The following GRM4 variants were observed in gnomAD, a reference collection of about 807,000 sequenced individuals.
GRM4 encodes metabotropic glutamate receptor 4.
Under a neutral mutation model 81.7 loss-of-function variants are expected in GRM4, and 28 were observed. The observed-to-expected ratio is 0.34, with a 90% CI of 0.25 to 0.47. The LOEUF is 0.47. Among genes scored for constraint, GRM4 ranks in the 20% least tolerant of loss-of-function variants. The pLI, the probability that GRM4 is intolerant of heterozygous loss-of-function variation, is 1.00. For missense variants in GRM4, 948 were observed against 1,290.0 expected (o/e 0.73, Z 4.06); for synonymous variants, 488 against 528.8 (o/e 0.92, Z 1.06).
At chr6:34,141,301 C>A (rs571356787) in intron 1 of GRM4, among the ~76,000 whole-genome samples, 1 of 152,316 alleles carries the variant, frequency 6.6e-6, no homozygotes, top group East Asian at 1.9e-4. Context: ...CGACCAGTGC[C>A]TTCTCGGGAG....
chr6:34,092,072 C>T lies in GRM4; in HGVS notation c.547G>A (p.Ala183Thr). 6.2e-7 allele frequency: 1 copy of T among 1,610,628 alleles called. No homozygotes were observed. Reference sequence around the variant, plus strand: ...CGGCTGTTGTCACTCAGGTCTGGCGCTGTGGAGGCGTAGCTGATCTGGGGT... The same window carrying T: ...CGGCTGTTGTCACTCAGGTCTGGCGTTGTGGAGGCGTAGCTGATCTGGGGT... Reference protein sequence around the residue: ...KIPQISYASTAPDLSDNSRYD... With the variant: ...KIPQISYASTTPDLSDNSRYD... Residue 183 changes from alanine to threonine, a missense_variant, in exon 3 of 11, where the codon GCG becomes ACG. Coordinates refer to ENST00000538487, the MANE Select transcript of GRM4 (RefSeq NM_000841.4). The surrounding 1 kb of genome is among the most constrained non-coding windows in gnomAD (Gnocchi z 6.8).
intron 3 of GRM4, among the ~76,000 whole-genome samples, chr6:34,073,851 C>T (rs547582246): frequency 3.4e-4 from 52 of 152,348 alleles, no homozygotes; most frequent in African/African-American, 1.1e-3. Flanking sequence ...ACACCCCTCA[C>T]ACTGCTTGGG....
In GRM4 at chr6:34,068,925, C is replaced by T. The variant is rs1766630940; in HGVS notation, c.737-6897G>A. On this transcript the variant is annotated intron_variant, in intron 3 of 10. Transcript: ENST00000538487. The surrounding 1 kb of genome is among the most constrained non-coding windows in gnomAD (Gnocchi z 4.2). ...AGGCACATCCTCGCTTTCTCCCTTCCTTTAAAAAGAATTTTTTTTTAATTT... is the reference window on the plus strand; with the variant it reads ...AGGCACATCCTCGCTTTCTCCCTTCTTTTAAAAAGAATTTTTTTTTAATTT... Among the ~76,000 whole-genome samples, 1 of 152,174 alleles carries T rather than the reference C, an allele frequency of 6.6e-6. No homozygotes were observed. Among genetic ancestry groups the T allele is most frequent in the African/African-American group, 2.4e-5 (1 of 41,430 alleles).
chr6:34,038,991 C>G (rs35075443), intron 8 of GRM4, among the ~76,000 whole-genome samples: 54,310 of 152,128 alleles, frequency 0.36, 13,438 homozygotes, highest in African/African-American at 0.7. Flanking sequence ...TAGCTGCTGC[C>G]GCTAGTGAGT....
At chr6:34,107,230 GT>G (rs1028784733) in intron 2 of GRM4, among the ~76,000 whole-genome samples, 39 of 152,312 alleles carry the variant, frequency 2.6e-4, no homozygotes, top group African/African-American at 9.4e-4. Context: ...CTCTGGTGGT[GT>G]CTGCAGGAAG....
At chr6:34,079,159 G>T (rs1442885762) in intron 3 of GRM4, among the ~76,000 whole-genome samples, 1 of 152,214 alleles carries the variant, frequency 6.6e-6, no homozygotes, top group Non-Finnish European at 1.5e-5. Context: ...CACAAGGCAA[G>T]TCCAGCAGGC....
chr6:34,138,681 C>T (rs997753229), intron 1 of GRM4, among the ~76,000 whole-genome samples: 1 of 152,202 alleles, frequency 6.6e-6, no homozygotes. Context: ...CACTGTGCGA[C>T]TCGCAGGCCA....
intron 1 of GRM4, among the ~76,000 whole-genome samples, chr6:34,139,761 CCGGTCCAGAGTGGCACT>C (rs1165198731): frequency 6.6e-6 from 1 of 152,218 alleles, no homozygotes; most frequent in Non-Finnish European, 1.5e-5. Flanking sequence ...AGCAGTGCGC[CCGGTCCAGAGTGGCACT>C]CGGACCTCGC....
chr6:34,059,550 G>A lies in GRM4; in HGVS notation c.873-422C>T, dbSNP rs372691693. The A allele has an allele frequency of 1.4e-5, 3 of 215,702 alleles. No homozygotes were observed. Among genetic ancestry groups the A allele is most frequent in the Non-Finnish European group, 2.8e-5 (3 of 106,908 alleles). The allele number at this position is 215,702 out of a possible 1,614,324, so 13.4% of individuals were successfully genotyped here. On this transcript the variant is annotated intron_variant, in intron 4 of 10. Transcript: ENST00000538487. The surrounding 1 kb of genome is among the most constrained non-coding windows in gnomAD (Gnocchi z 5.7). ...CCACATTCCTTGCCCATTCTCACAC[G>A]CATCCACCATCACACAACCGCCGCC...
intron 7 of GRM4, 52 bp downstream of exon 7, chr6:34,040,496 G>C: frequency 1.3e-6 from 2 of 1,536,462 alleles, no homozygotes; most frequent in South Asian, 1.1e-5. Context: ...CCCTCCCCTC[G>C]GGCATGGCCC....
chr6:34,153,015 C>G (rs1043913225), intron 1 of GRM4, among the ~76,000 whole-genome samples: 2 of 152,100 alleles, frequency 1.3e-5, no homozygotes, highest in African/African-American at 4.8e-5. Flanking sequence ...TGCAATGATT[C>G]CACTCCACAA....
rs1770334574 is a variant in GRM4, at chr6:34,133,526, C to T, written c.-30G>A. The stretch of plus-strand genomic sequence containing the variant: ...GAAATCCCTAGAGACCCATGAACGG[C>T]AGGCCCACTCCTAGCCCTGGCAGGC... On this transcript the variant is annotated 5_prime_UTR_variant, in exon 2 of 11. Transcript: ENST00000538487. This position sits in a 1 kb window ranked among gnomAD's most constrained non-coding sequence, Gnocchi z 6.5. 6.6e-7 allele frequency: 1 copy of T among 1,521,960 alleles called. No individual in the cohort carries two copies. The highest frequency in any genetic ancestry group is 2.3e-5 in the East Asian group (1 of 44,084). 94.3% of individuals were successfully genotyped at this position (1,521,960 alleles called of 1,614,324 possible).
At chr6:34,032,741 C>T (rs1764500320) in intron 9 of GRM4, among the ~76,000 whole-genome samples, 1 of 152,112 alleles carries the variant, frequency 6.6e-6, no homozygotes, top group Non-Finnish European at 1.5e-5. Context: ...TGGTAGGTCA[C>T]CTGCAGAGAT....
At chr6:34,093,263 C>G (rs1183002264) in intron 2 of GRM4, among the ~76,000 whole-genome samples, 1 of 152,200 alleles carries the variant, frequency 6.6e-6, no homozygotes, top group South Asian at 2.1e-4. Flanking sequence ...GCCCACTTGG[C>G]CAAAGCCTAG....
chr6:34,108,479 C>G (rs894629670), intron 2 of GRM4, among the ~76,000 whole-genome samples: 1 of 152,368 alleles, frequency 6.6e-6, no homozygotes. Context: ...TGAACCCTCA[C>G]AGCCGGGCCC....
At chr6:34,086,268 G>A (rs574683321) in intron 3 of GRM4, among the ~76,000 whole-genome samples, 2 of 152,318 alleles carry the variant, frequency 1.3e-5, no homozygotes, top group South Asian at 2.1e-4. Flanking sequence ...CCCAAGCACT[G>A]TCTCCTCAGC....
chr6:34,041,580 A>G (rs1046329531), intron 6 of GRM4, among the ~76,000 whole-genome samples: 11 of 152,162 alleles, frequency 7.2e-5, no homozygotes, highest in Admixed American at 2.6e-4. Flanking sequence ...CCACGTCAGC[A>G]AAAAGGGGAT....
rs912110357 is a variant in GRM4 at position 34,080,867 on chromosome 6, C to T, written c.736+11016G>A. Among the ~76,000 whole-genome samples the T allele has an allele frequency of 1.7e-3, 209 of 122,680 alleles. No individual in the cohort carries two copies. The highest frequency in any genetic ancestry group is 5.8e-3 in the African/African-American group (206 of 35,450). The allele number at this position is 122,680 out of a possible 152,430, so 80.5% of individuals were successfully genotyped here. ...ACACATACACACACACATACACATA[C>T]ATATACACACACACACACACACAAC... On this transcript the variant is annotated intron_variant, in intron 3 of 10. Coordinates refer to ENST00000538487, the MANE Select transcript of GRM4 (RefSeq NM_000841.4). The surrounding 1 kb of genome is among the most constrained non-coding windows in gnomAD (Gnocchi z 5.4).
chr6:34,133,215 G>A lies in GRM4; in HGVS notation c.282C>T (p.Asp94=). 1 of 1,614,188 alleles carries A rather than the reference G, an allele frequency of 6.2e-7. No individual in the cohort carries two copies. Among genetic ancestry groups the A allele is most frequent in the Non-Finnish European group, 8.5e-7 (1 of 1,179,986 alleles). ...CGCCCAGCGTGATGTTAGGCAGCAG[G>A]TCCGGGTCGTTGTTGATGCGATCCA... ...FALDRINNDP[D]LLPNITLGAR... is the part of the protein sequence containing the mutation. The change falls in exon 2 of 11, where the codon GAC becomes GAT. Residue 94 remains aspartate (D), a synonymous_variant. Transcript: ENST00000538487. This position sits in a 1 kb window ranked among gnomAD's most constrained non-coding sequence, Gnocchi z 6.5.
Sources: allele counts gnomAD v4.1 joint callset (sites outside exome capture counted in the v4.1 genomes callset), GRCh38; gene constraint gnomAD v4.1.1; non-coding constraint Gnocchi (gnomAD v3.1); transcripts MANE v1.5; gene names NCBI Gene and HGNC (gene_info 2026-07-23, HGNC 2026-07-21).